NAV2: variants seen among roughly 807,000 people sequenced by gnomAD.
NAV2 encodes helicase, APC down-regulated 1.
In NAV2, 54 loss-of-function variants were observed where a neutral mutation model predicts 223.2. That is an observed-to-expected ratio of 0.24 (90% CI 0.19 to 0.30). The LOEUF is 0.30. NAV2 is among the 10% of genes least tolerant of loss of function. The pLI is 1.00. For missense variants in NAV2, 2,806 were observed against 3,147.5 expected (o/e 0.89, Z 2.60); for synonymous variants, 1,279 against 1,239.3 (o/e 1.03, Z -0.67).
intron 1 of NAV2, among the ~76,000 whole-genome samples, chr11:19,743,480 G>T (rs1222094955): frequency 1.3e-5 from 2 of 152,298 alleles, no homozygotes; most frequent in Admixed American, 6.5e-5. Context: ...TCCCTCCTGG[G>T]TCTTGCCTGC....
Position 19,700,485 on chromosome 11 carries a change from G to A in NAV2, c.76-131999G>A, listed in dbSNP as rs117936751. On this transcript the variant is annotated intron_variant, in intron 1 of 37. Coordinates refer to the NAV2 transcript ENST00000360655. ...CAGAGTGGTTAAGTGACTGGGCCAA[G>A]ATCACACAACCAATTAAGCGCAAAC... is the stretch of plus-strand genomic sequence containing the variant. 5.0e-3 allele frequency among the ~76,000 whole-genome samples: 754 copies of A among 152,306 alleles called. 4 individuals carry two copies. Among genetic ancestry groups the A allele is most frequent in the Non-Finnish European group, 7.0e-3 (477 of 68,020 alleles).
intron 35 of NAV2, chr11:20,107,292 T>G (rs1592188924): frequency 6.4e-6 from 1 of 157,326 alleles, no homozygotes; most frequent in South Asian, 1.9e-4. Flanking sequence ...TTCACCGTGT[T>G]AGCCAGGATG....
intron 1 of NAV2, among the ~76,000 whole-genome samples, chr11:19,814,401 G>A (rs1447642285): frequency 6.6e-6 from 1 of 152,176 alleles, no homozygotes; most frequent in Admixed American, 6.5e-5. Flanking sequence ...CCTGGCCAGG[G>A]TGACCTGAAT....
chr11:19,978,906 C>T (rs997745662), intron 10 of NAV2: 5 of 152,290 alleles, frequency 3.3e-5, no homozygotes, highest in Admixed American at 6.5e-5. Context: ...CTTGGTTCCA[C>T]ATTGTTGCAT....
Position 20,045,598 on chromosome 11 carries a change from T to C in NAV2, c.3830T>C (p.Val1277Ala), listed in dbSNP as rs2057348381. The C allele has an allele frequency of 1.2e-6, 2 of 1,614,062 alleles. No individual in the cohort carries two copies. Among genetic ancestry groups the C allele is most frequent in the Non-Finnish European group, 1.7e-6 (2 of 1,180,036 alleles). The change falls in exon 14 of 38, where the codon GTG becomes GCG. Residue 1277 changes from valine to alanine, a missense_variant. Val to Ala is a moderately conservative substitution (Grantham distance 64). Coordinates refer to ENST00000349880, the MANE Select transcript of NAV2 (RefSeq NM_145117.5). The part of the protein sequence containing the change: ...SVKVNPAAQP[V>A]SSPAQTSLQP... ...AAAGTGAATCCGGCAGCCCAGCCTG[T>C]GTCCAGTCCGGCTCAGACCAGTCTC...
intron 1 of NAV2, among the ~76,000 whole-genome samples, chr11:19,442,228 C>T (rs1851430883): frequency 1.3e-5 from 2 of 152,240 alleles, no homozygotes; most frequent in Non-Finnish European, 2.9e-5. Flanking sequence ...TCCCAGAGGC[C>T]CTCTCAGAAA....
rs150166337 is a variant in NAV2 at position 20,103,327 on chromosome 11, G to A, written c.6490G>A (p.Val2164Ile). Residue 2164 changes from valine (V) to isoleucine (I), a missense_variant, in exon 33 of 38, where the codon GTC (valine) becomes ATC (isoleucine). By Grantham distance (29) the Val-to-Ile change is conservative. This residue lies in a region of NAV2 where 824 missense variants were observed against 1,069.4 expected (regional missense o/e 0.77). Coordinates refer to ENST00000349880, the MANE Select transcript of NAV2 (RefSeq NM_145117.5). ...SENNAVDMPL[V>I]IILDNLHHVS... ...GAACAATGCTGTGGACATGCCCCTC[G>A]TCATCATCCTGGACAACCTACACCA... 313 of 1,614,166 alleles carry A rather than the reference G, an allele frequency of 1.9e-4. No homozygotes were observed. Among genetic ancestry groups the A allele is most frequent in the East Asian group, 4.9e-4 (22 of 44,888 alleles).
In NAV2 at chr11:19,922,024, G is replaced by A. The variant is rs1429881759; in HGVS notation, c.932-11152G>A. On this transcript the variant is annotated intron_variant, in intron 6 of 37. Coordinates refer to ENST00000349880, the MANE Select transcript of NAV2 (RefSeq NM_145117.5). ...TAAAGAGAGCTGCTCTGGTAGAAGT[G>A]GAGCAGAGAATATATAAAAACAGGC... Among the ~76,000 whole-genome samples the A allele has an allele frequency of 3.3e-5, 5 of 152,118 alleles. No individual in the cohort carries two copies. The East Asian group carries it at 7.7e-4, about 23-fold the overall frequency.
At chr11:19,943,906 A>G (rs2046612724) in intron 8 of NAV2, among the ~76,000 whole-genome samples, 1 of 151,516 alleles carries the variant, frequency 6.6e-6, no homozygotes, top group African/African-American at 2.4e-5. Context: ...GGCTAAAAGA[A>G]ACGGAACTAG....
chr11:19,614,418 T>C (rs2046734146), intron 1 of NAV2, among the ~76,000 whole-genome samples: 1 of 152,144 alleles, frequency 6.6e-6, no homozygotes, highest in South Asian at 2.1e-4. Context: ...CTCTCTTTAA[T>C]TAATAAATTT....
intron 1 of NAV2, among the ~76,000 whole-genome samples, chr11:19,641,313 C>T (rs2047656802): frequency 6.6e-6 from 1 of 152,168 alleles, no homozygotes; most frequent in South Asian, 2.1e-4. Context: ...ACAAGGCCAT[C>T]ATGTCTGCCT....
intron 5 of NAV2, among the ~76,000 whole-genome samples, chr11:19,883,958 A>G (rs926175746): frequency 1.3e-5 from 2 of 152,266 alleles, no homozygotes; most frequent in African/African-American, 4.8e-5. Context: ...TCAATACTTT[A>G]GAAAGGCATA....
intron 1 of NAV2, among the ~76,000 whole-genome samples, chr11:19,639,079 C>G (rs1402378634): frequency 6.6e-6 from 1 of 152,156 alleles, no homozygotes; most frequent in Admixed American, 6.5e-5. Context: ...AGACTGCTAT[C>G]CTTAGAAAGT....
intron 37 of NAV2, among the ~76,000 whole-genome samples, chr11:20,117,832 G>A (rs184122847): frequency 5.9e-5 from 9 of 152,322 alleles, no homozygotes; most frequent in East Asian, 1.9e-4. Context: ...AGTGCTCTAC[G>A]TATATTAACT....
chr11:19,483,671 G>A (rs995652912), intron 1 of NAV2, among the ~76,000 whole-genome samples: 4 of 152,148 alleles, frequency 2.6e-5, no homozygotes, highest in Non-Finnish European at 4.4e-5. Context: ...GCCACGGTGC[G>A]TGATAAGTGC....
intron 1 of NAV2, among the ~76,000 whole-genome samples, chr11:19,655,036 A>G (rs532626239): frequency 1.2e-3 from 187 of 152,318 alleles, no homozygotes; most frequent in Non-Finnish European, 2.1e-3. Context: ...AACTCCAACA[A>G]ATTTACCACA....
At chr11:19,453,420 G>A (rs1461558825) in intron 1 of NAV2, among the ~76,000 whole-genome samples, 1 of 152,190 alleles carries the variant, frequency 6.6e-6, no homozygotes, top group Non-Finnish European at 1.5e-5. Flanking sequence ...GTGCTACCGG[G>A]CAGCAAGATT....
chr11:19,956,133 T>C (rs958567299), intron 10 of NAV2, among the ~76,000 whole-genome samples: 10 of 152,132 alleles, frequency 6.6e-5, no homozygotes, highest in Non-Finnish European at 2.9e-5. Flanking sequence ...AGGTAAAGAC[T>C]CAGCTATGTG....
intron 1 of NAV2, among the ~76,000 whole-genome samples, chr11:19,354,062 G>T (rs898517550): frequency 4.6e-5 from 7 of 152,178 alleles, no homozygotes; most frequent in African/African-American, 1.4e-4. Flanking sequence ...ATCCCTTATA[G>T]ATGTATATTT....
Sources: allele counts gnomAD v4.1 joint callset (sites outside exome capture counted in the v4.1 genomes callset), GRCh38; gene constraint gnomAD v4.1.1; regional missense constraint gnomAD v4.1.1; transcripts MANE v1.5; gene names NCBI Gene and HGNC (gene_info 2026-07-23, HGNC 2026-07-21).